ZPBP: variants seen among roughly 807,000 people sequenced by gnomAD.
ZPBP encodes the protein zona pellucida binding protein, also known as zona pellucida-binding protein 1.
ZPBP carries 26 observed loss-of-function variants against 44.8 expected under a neutral mutation model. The ratio of observed to expected loss-of-function variants is 0.58; its 90% CI spans 0.43 to 0.81. The LOEUF is 0.81. Ranked by LOEUF, ZPBP falls within the 30% of genes least tolerant of loss-of-function variation. The pLI, the probability that ZPBP is intolerant of heterozygous loss-of-function variation, is 0.00. For missense variants in ZPBP, 409 were observed against 434.0 expected (o/e 0.94, Z 0.51); for synonymous variants, 174 against 153.2 (o/e 1.14, Z -1.00).
downstream of ZPBP, among the ~76,000 whole-genome samples, chr7:49,846,838 A>C (rs1272103005): frequency 6.6e-6 from 1 of 152,186 alleles, no homozygotes; most frequent in Admixed American, 6.5e-5. Context: ...ACAGCCAGAG[A>C]AGTAGGTTCC....
chr7:49,849,441 A>G (rs1790087308), downstream of ZPBP, among the ~76,000 whole-genome samples: 1 of 152,182 alleles, frequency 6.6e-6, no homozygotes, highest in Admixed American at 6.5e-5. Context: ...CTGGGAGCAG[A>G]CTGTCAGGAA....
intron 2 of ZPBP, among the ~76,000 whole-genome samples, chr7:49,863,556 C>A (rs1790753207): frequency 6.6e-6 from 1 of 152,088 alleles, no homozygotes; most frequent in African/African-American, 2.4e-5. Flanking sequence ...CTCAGCCTCC[C>A]AAGTAGCTGG....
At chr7:50,051,253 G>T (rs749452212) in intron 4 of ZPBP, among the ~76,000 whole-genome samples, 10 of 152,130 alleles carry the variant, frequency 6.6e-5, no homozygotes, top group Non-Finnish European at 1.3e-4. Context: ...ACACCAGTCA[G>T]AATGGCAATT....
At chr7:50,002,140 C>T (rs1337443559) in intron 6 of ZPBP, among the ~76,000 whole-genome samples, 2 of 152,050 alleles carry the variant, frequency 1.3e-5, no homozygotes, top group African/African-American at 4.8e-5. Context: ...CTCACAGTTC[C>T]ACATGGCTAG....
intron 5 of ZPBP, among the ~76,000 whole-genome samples, chr7:50,023,381 C>A (rs1799181177): frequency 6.6e-6 from 1 of 151,886 alleles, no homozygotes; most frequent in African/African-American, 2.4e-5. Flanking sequence ...GAAAGCATTT[C>A]AAGTCTTATT....
intron 7 of ZPBP, chr7:49,943,090 C>A: frequency 2.9e-6 from 1 of 349,306 alleles, no homozygotes; most frequent in South Asian, 2.7e-5. Context: ...CTCAGCCAGT[C>A]ATTGAGGACT....
At chr7:49,934,111 G>C (rs1794548930), downstream of ZPBP, among the ~76,000 whole-genome samples, 1 of 149,434 alleles carries the variant, frequency 6.7e-6, no homozygotes, top group Non-Finnish European at 1.5e-5. Context: ...GCACAATAAA[G>C]ACAGTAATTC....
At chr7:49,877,470 A>AAAAAAAAT (rs1398440878) in intron 2 of ZPBP, among the ~76,000 whole-genome samples, 1,644 of 39,822 alleles carry the variant, frequency 0.041, 347 homozygotes, top group Non-Finnish European at 0.055. Flanking sequence ...CTCAAAAAAA[A>AAAAAAAAT]AAAAAAAAAA....
intron 6 of ZPBP, among the ~76,000 whole-genome samples, chr7:49,993,979 C>A (rs1797688969): frequency 6.6e-6 from 1 of 152,202 alleles, no homozygotes; most frequent in Non-Finnish European, 1.5e-5. Context: ...ACACACATAT[C>A]TTCACTTTCT....
intron 1 of ZPBP, among the ~76,000 whole-genome samples, chr7:49,903,800 C>T (rs148806059): frequency 5.3e-5 from 8 of 152,148 alleles, no homozygotes; most frequent in East Asian, 3.9e-4. Context: ...AGTTTGGGAG[C>T]GGAGGTTTAA....
chr7:49,938,135 C>A (rs2128752101), intron 7 of ZPBP, among the ~76,000 whole-genome samples: 1 of 152,210 alleles, frequency 6.6e-6, no homozygotes, highest in African/African-American at 2.4e-5. Flanking sequence ...GGGACCCCTG[C>A]TTTAAGTTAT....
chr7:49,912,247 G>C, intron 1 of ZPBP: 1 of 1,562,172 alleles, frequency 6.4e-7, no homozygotes, highest in Non-Finnish European at 8.7e-7. Flanking sequence ...GAACATTCTA[G>C]ATGACTCTGG....
At chr7:50,008,496 T>C (rs1429027389) in intron 6 of ZPBP, among the ~76,000 whole-genome samples, 2 of 152,064 alleles carry the variant, frequency 1.3e-5, no homozygotes, top group African/African-American at 4.8e-5. Context: ...AATGCCATTT[T>C]TTTTGCAGAA....
chr7:49,880,496 C>A (rs958482238), intron 2 of ZPBP, among the ~76,000 whole-genome samples: 2 of 151,728 alleles, frequency 1.3e-5, no homozygotes, highest in African/African-American at 2.4e-5. Flanking sequence ...AATTCAGCTT[C>A]TTTATTAGAT....
intron 6 of ZPBP, among the ~76,000 whole-genome samples, chr7:50,007,089 G>C (rs1584029958): frequency 6.6e-6 from 1 of 151,978 alleles, no homozygotes; most frequent in South Asian, 2.1e-4. Context: ...AACCAACCAA[G>C]AGAAGGCACT....
chr7:50,054,083 G>T (rs1236262953), intron 4 of ZPBP, among the ~76,000 whole-genome samples: 1 of 152,038 alleles, frequency 6.6e-6, no homozygotes, highest in Non-Finnish European at 1.5e-5. Flanking sequence ...TAGAGACGGG[G>T]TTTTTCCATG....
intron 5 of ZPBP, among the ~76,000 whole-genome samples, chr7:50,022,159 A>G (rs1016573150): frequency 3.3e-5 from 5 of 152,192 alleles, no homozygotes; most frequent in Non-Finnish European, 7.4e-5. Context: ...AAGAATAGAT[A>G]GTAACTTGTT....
rs555490815 is a variant in ZPBP at position 49,904,798 on chromosome 7, C to T, written n.412-3583G>A. ...TCGCCCAGGTTGGAGTGCAGTGGCG[C>T]GATCTCGGCTCACTGCAACCTCCTC... On this transcript the variant is annotated intron_variant and non_coding_transcript_variant, in intron 1 of 2. Transcript: ENST00000465922. Among the ~76,000 whole-genome samples the T allele has an allele frequency of 7.2e-4, 107 of 148,468 alleles. 1 individual carries two copies. In the East Asian group the frequency reaches 0.013, roughly 19 times the overall value.
chr7:49,907,295 TG>T (rs1793155370), intron 1 of ZPBP, among the ~76,000 whole-genome samples: 1 of 152,032 alleles, frequency 6.6e-6, no homozygotes, highest in Admixed American at 6.6e-5. Flanking sequence ...AGAGGATAAA[TG>T]GGAACAGATG....
Sources: gnomAD v4.1 joint callset for allele counts (sites outside exome capture counted in the v4.1 genomes callset) on GRCh38, gnomAD v4.1.1 for gene constraint, MANE v1.5 for transcripts, NCBI Gene and HGNC (gene_info 2026-07-23, HGNC 2026-07-21) for gene names.